Variants in DOT1L observed in about 807,000 individuals in gnomAD.
The protein encoded by DOT1L is histone-lysine N-methyltransferase, H3 lysine-79 specific.
Under a neutral mutation model 153.3 loss-of-function variants are expected in DOT1L, and 33 were observed. That is an observed-to-expected ratio of 0.22 (90% CI 0.16 to 0.29). The LOEUF (loss-of-function observed/expected upper bound fraction) is 0.29, where lower values mean the gene tolerates loss of function less well. Among genes scored for constraint, DOT1L ranks in the 10% least tolerant of loss-of-function variants. The pLI, the probability that DOT1L is intolerant of heterozygous loss-of-function variation, is 1.00. For synonymous variants in DOT1L, 1,135 were observed against 965.1 expected (o/e 1.18, Z -3.26); for missense variants, 1,847 against 2,119.9 (o/e 0.87, Z 2.53).
Position 2,210,434 on chromosome 19 carries a change from G to A in DOT1L, c.1040G>A (p.Arg347His). The A allele has an allele frequency of 6.4e-7, 1 of 1,564,486 alleles. No individual in the cohort carries two copies. The highest frequency in any genetic ancestry group is 8.6e-7 in the Non-Finnish European group (1 of 1,158,546). ...EQEAARRRQQ[R>H]ESKSNAATPT... ...GAGGCAGCCCGGCGCCGCCAGCAGC[G>A]CGAGAGCAAGAGCAACGCGGCCACG... The change falls in exon 13 of 28, where the codon CGC becomes CAC. Residue 347 changes from arginine to histidine, a missense_variant. Arg to His is a conservative substitution (Grantham distance 29). This residue lies in a region of DOT1L where 205 missense variants were observed against 203.1 expected (regional missense o/e 1.01). Coordinates refer to ENST00000398665, the MANE Select transcript of DOT1L (RefSeq NM_032482.3).
intron 1 of DOT1L, among the ~76,000 whole-genome samples, chr19:2,166,549 T>C (rs2019930461): frequency 1.3e-5 from 2 of 152,130 alleles, no homozygotes; most frequent in African/African-American, 4.8e-5. Flanking sequence ...GTAGCTGGGA[T>C]TACTGGCATG....
chr19:2,185,888 C>T lies in DOT1L; in HGVS notation c.159C>T (p.Leu53=), dbSNP rs200956386. 5.3e-4 allele frequency: 854 copies of T among 1,614,192 alleles called. No individual in the cohort carries two copies. The highest frequency in any genetic ancestry group is 7.0e-4 in the Non-Finnish European group (826 of 1,180,030). ...WVCEEIPDLK[L]AMENYVLIDY... is the part of the protein sequence containing the mutation. ...GTGAAGAAATCCCGGATCTCAAGCT[C>T]GCTATGGAGAATTACGTTTTAATTG... Residue 53 remains leucine (L), a synonymous_variant, in exon 3 of 28, where the codon CTC becomes CTT. Transcript: ENST00000398665.
chr19:2,218,256 G>T (rs568981822), intron 22 of DOT1L, among the ~76,000 whole-genome samples: 1 of 152,364 alleles, frequency 6.6e-6, no homozygotes, highest in South Asian at 2.1e-4. Flanking sequence ...GCTGCCTCTG[G>T]GTTCTCCCAC....
At position 2,226,171 on chromosome 19, in the gene DOT1L, C is replaced by T; in HGVS notation, c.3662-12C>T. The T allele has an allele frequency of 1.3e-6, 2 of 1,512,852 alleles. No individual in the cohort carries two copies. Among genetic ancestry groups the T allele is most frequent in the Non-Finnish European group, 8.9e-7 (1 of 1,129,656 alleles). The allele number at this position is 1,512,852 out of a possible 1,614,324, so 93.7% of individuals were successfully genotyped here. A position where few individuals can be genotyped will look rare whatever the true frequency, so the allele number is the denominator to read the frequency against. On this transcript the variant is annotated splice_polypyrimidine_tract_variant and intron_variant, in intron 26 of 27. Transcript: ENST00000398665. ...CTCTGGGCTCACGGCTTCTGCCTTT[C>T]CTCTTTGCCAGGTGGTGGCTTGGCG...
In DOT1L at chr19:2,226,763, G is replaced by T. The variant is rs1212054148; in HGVS notation, c.4242G>T (p.Arg1414=). 2 of 1,566,260 alleles carry T rather than the reference G, an allele frequency of 1.3e-6. No individual in the cohort carries two copies. The highest frequency in any genetic ancestry group is 1.7e-6 in the Non-Finnish European group (2 of 1,162,336). Residue 1414 remains arginine, a synonymous_variant, in exon 27 of 28, where the codon CGG becomes CGT. Coordinates refer to ENST00000398665, the MANE Select transcript of DOT1L (RefSeq NM_032482.3). The part of the protein sequence containing the change: ...PLLSGKAAKA[R]DREVDLKNGH... ...TGAGCGGCAAGGCCGCCAAGGCCCG[G>T]GACCGCGAGGTCGACCTCAAGAATG...
chr19:2,200,752 G>GTCCTCCCCGCATTCTTCA (rs988706441), intron 8 of DOT1L, among the ~76,000 whole-genome samples: 12 of 137,572 alleles, frequency 8.7e-5, no homozygotes, highest in South Asian at 2.4e-4. Flanking sequence ...TGTATTCCTC[G>GTCCTCCCCGCATTCTTCA]TCCTCCCCGC....
At chr19:2,179,305 G>T (rs1422762175) in intron 1 of DOT1L, among the ~76,000 whole-genome samples, 1 of 152,306 alleles carries the variant, frequency 6.6e-6, no homozygotes, top group East Asian at 1.9e-4. Flanking sequence ...GTCCACAGGT[G>T]CCCTGCTGGT....
At chr19:2,218,520 A>T (rs1030093097) in intron 22 of DOT1L, among the ~76,000 whole-genome samples, 19 of 150,598 alleles carry the variant, frequency 1.3e-4, no homozygotes, top group East Asian at 7.8e-4. Flanking sequence ...CAGCCTCCCG[A>T]GTAGCTGGGA....
Position 2,193,632 on chromosome 19 carries a change from G to A in DOT1L, c.494-57G>A. Reference sequence around the variant, plus strand: ...GGCCTCTGTCTCCGAGCCTAGCACGGCCTCCCGGGTGGCATCTGAGCGCTG... The same window carrying A: ...GGCCTCTGTCTCCGAGCCTAGCACGACCTCCCGGGTGGCATCTGAGCGCTG... On this transcript the variant is annotated intron_variant, in intron 5 of 27. Transcript: ENST00000398665. The surrounding 1 kb of genome is among the most constrained non-coding windows in gnomAD (Gnocchi z 5.9). 3.8e-6 allele frequency: 6 copies of A among 1,565,220 alleles called. No individual in the cohort carries two copies. The highest frequency in any genetic ancestry group is 5.3e-6 in the Non-Finnish European group (6 of 1,139,780).
rs765461750 is a variant in DOT1L, at chr19:2,189,828, G to T, written c.264+33G>T. 7.5e-6 allele frequency: 12 copies of T among 1,609,408 alleles called. No individual in the cohort carries two copies. In the Admixed American group the frequency reaches 2.0e-4, roughly 27 times the overall value. On this transcript the variant is annotated intron_variant, in intron 4 of 27. Coordinates refer to ENST00000398665, the MANE Select transcript of DOT1L (RefSeq NM_032482.3). The stretch of plus-strand genomic sequence containing the variant: ...GCTTGCCCCTGCCCAGAGGGGGTTA[G>T]TAGTGCCAGGCTCCCGGACCCCTCC...
At chr19:2,228,435 C>A in intron 27 of DOT1L, 1 of 1,234,390 alleles carries the variant, frequency 8.1e-7, no homozygotes, top group African/African-American at 1.6e-5. Flanking sequence ...ACTGTCCTTC[C>A]TTTGGCAGAG....
chr19:2,229,622 C>T (rs903634276), intron 27 of DOT1L, 163 bp from the exon 28 acceptor site: 44 of 985,448 alleles, frequency 4.5e-5, no homozygotes, highest in South Asian at 2.3e-4. Flanking sequence ...GCACGCCCGT[C>T]GTCTGTTGTG....
intron 8 of DOT1L, 99 bp from the exon 9 acceptor site, chr19:2,202,601 G>A: frequency 8.1e-7 from 1 of 1,234,082 alleles, no homozygotes; most frequent in Non-Finnish European, 1.2e-6. Context: ...GCGGGTGTGG[G>A]CAGGGCCTAG....
At chr19:2,164,361 C>T in intron 1 of DOT1L, 96 bp downstream of exon 1, 1 of 835,432 alleles carries the variant, frequency 1.2e-6, no homozygotes, top group Non-Finnish European at 1.6e-6. Flanking sequence ...CTCACCGGTC[C>T]CCCCTGCGGA....
At position 2,204,380 on chromosome 19, in the gene DOT1L, G is replaced by A. The variant is rs889858301; in HGVS notation, c.787+1601G>A. Among the ~76,000 whole-genome samples the A allele has an allele frequency of 3.3e-5, 5 of 152,122 alleles. No individual in the cohort carries two copies. The highest frequency in any genetic ancestry group is 1.2e-4 in the African/African-American group (5 of 41,402). On this transcript the variant is annotated intron_variant, in intron 9 of 27. Transcript: ENST00000398665. This position sits in a 1 kb window ranked among gnomAD's most constrained non-coding sequence, Gnocchi z 5.7. ...TCTGTGTGTGTGTGTGCGTGTGGCA[G>A]TGGTGTTTCTGACTTATCTTAGAAC...
intron 8 of DOT1L, among the ~76,000 whole-genome samples, chr19:2,200,486 T>A (rs1230530326): frequency 1.3e-5 from 2 of 152,132 alleles, no homozygotes; most frequent in Non-Finnish European, 1.5e-5. Flanking sequence ...ACGGGCTCTG[T>A]ATGGTTGGGC....
At chr19:2,184,993 G>T (rs1047704819) in intron 2 of DOT1L, among the ~76,000 whole-genome samples, 2 of 152,184 alleles carry the variant, frequency 1.3e-5, no homozygotes, top group African/African-American at 4.8e-5. Context: ...GACGCTGGCT[G>T]CATAAAACTC....
intron 12 of DOT1L, among the ~76,000 whole-genome samples, chr19:2,209,452 C>G (rs1355648343): frequency 6.6e-6 from 1 of 152,240 alleles, no homozygotes; most frequent in Non-Finnish European, 1.5e-5. Flanking sequence ...TGCGTCACTG[C>G]TGGCTGCCCC....
intron 23 of DOT1L, chr19:2,221,022 C>G (rs2024094743): frequency 6.1e-6 from 1 of 164,502 alleles, no homozygotes; most frequent in Admixed American, 5.8e-5. Flanking sequence ...ACTAAAAATA[C>G]AAAAATTAGC....
Sources: gnomAD v4.1 joint callset for allele counts (sites outside exome capture counted in the v4.1 genomes callset) on GRCh38, gnomAD v4.1.1 for gene constraint, gnomAD v4.1.1 regional missense constraint, Gnocchi (gnomAD v3.1) non-coding constraint, MANE v1.5 for transcripts, NCBI Gene and HGNC (gene_info 2026-07-23, HGNC 2026-07-21) for gene names.